Variants in DCLK1 observed in about 807,000 individuals in gnomAD.
DCLK1 encodes the protein serine/threonine-protein kinase DCLK1.
DCLK1 carries 16 observed loss-of-function variants against 86.2 expected under a neutral mutation model. The observed-to-expected ratio is 0.19, with a 90% CI of 0.13 to 0.28. DCLK1 has a LOEUF of 0.28. Ranked by LOEUF, DCLK1 falls within the 10% of genes least tolerant of loss-of-function variation. The probability of loss-of-function intolerance (pLI) is 1.00; values close to 1 mark genes in which losing one functional copy is unlikely to be tolerated. For missense variants in DCLK1, 590 were observed against 940.2 expected (o/e 0.63, Z 4.87); for synonymous variants, 369 against 370.5 (o/e 1.00, Z 0.05).
intron 4 of DCLK1, among the ~76,000 whole-genome samples, chr13:35,925,244 A>G (rs1169861741): frequency 6.6e-6 from 1 of 152,232 alleles, no homozygotes; most frequent in African/African-American, 2.4e-5. Context: ...AATTCTTCCA[A>G]GTCTACCTGC....
chr13:35,807,581 C>G (rs1253142296), intron 14 of DCLK1, among the ~76,000 whole-genome samples: 1 of 152,182 alleles, frequency 6.6e-6, no homozygotes, highest in Non-Finnish European at 1.5e-5. Context: ...ATACTTTAGG[C>G]AGGGATAGTA....
intron 6 of DCLK1, among the ~76,000 whole-genome samples, chr13:35,850,927 A>T (rs1276829178): frequency 2.0e-5 from 3 of 152,210 alleles, no homozygotes. Flanking sequence ...AAAGATAATA[A>T]TAGAGAAACC....
intron 2 of DCLK1, 149 bp from the exon 3 acceptor site, chr13:36,112,364 A>G (rs966626446): frequency 1.0e-5 from 6 of 577,462 alleles, no homozygotes; most frequent in African/African-American, 7.4e-5. Flanking sequence ...ATTAGGGAAA[A>G]AGAAAGATTT....
At chr13:36,111,424 T>G (rs1035929333) in intron 3 of DCLK1, among the ~76,000 whole-genome samples, 2 of 152,192 alleles carry the variant, frequency 1.3e-5, no homozygotes, top group South Asian at 4.1e-4. Context: ...CTATAAAATG[T>G]AAGTAAATCT....
intron 3 of DCLK1, among the ~76,000 whole-genome samples, chr13:35,972,113 G>A (rs747165582): frequency 5.9e-5 from 9 of 151,996 alleles, no homozygotes; most frequent in Admixed American, 3.9e-4. Context: ...AACCATTTCC[G>A]TGGCTCAGCA....
chr13:35,960,032 T>G (rs562755223), intron 3 of DCLK1, among the ~76,000 whole-genome samples: 61 of 152,308 alleles, frequency 4.0e-4, no homozygotes, highest in Middle Eastern at 3.4e-3. Context: ...TTGATCATCA[T>G]GACTATCCCT....
intron 4 of DCLK1, among the ~76,000 whole-genome samples, chr13:35,931,996 G>A (rs969688741): frequency 1.1e-4 from 17 of 152,252 alleles, no homozygotes; most frequent in African/African-American, 3.9e-4. Context: ...AATTTTATGT[G>A]TCAAATTGAA....
intron 4 of DCLK1, among the ~76,000 whole-genome samples, chr13:35,904,279 G>A (rs902620920): frequency 7.2e-5 from 11 of 152,094 alleles, no homozygotes; most frequent in South Asian, 2.1e-4. Context: ...GCAGTGGCTC[G>A]ATCTTGGCCC....
At chr13:35,851,251 T>C (rs1053328233) in intron 6 of DCLK1, among the ~76,000 whole-genome samples, 1 of 152,212 alleles carries the variant, frequency 6.6e-6, no homozygotes, top group Non-Finnish European at 1.5e-5. Context: ...CAAGAAAGCA[T>C]TGCTTTCTCA....
At chr13:35,978,198 CTTTTCTTTTTTTTTT>C (rs1161932034) in intron 3 of DCLK1, among the ~76,000 whole-genome samples, 1 of 112,172 alleles carries the variant, frequency 8.9e-6, no homozygotes, top group African/African-American at 3.4e-5. Flanking sequence ...TTTTTCTTTT[CTTTTCTTTTTTTTTT>C]TTTTTTTTTT....
chr13:35,778,002 C>T (rs9545328), intron 16 of DCLK1, among the ~76,000 whole-genome samples: 31,228 of 152,182 alleles, frequency 0.21, 3,898 homozygotes, highest in East Asian at 0.49. Context: ...CGTTGGACAT[C>T]GTCTCTGTGT....
intron 4 of DCLK1, among the ~76,000 whole-genome samples, chr13:35,899,336 C>T (rs1874197071): frequency 7.6e-6 from 1 of 130,814 alleles, no homozygotes; most frequent in Non-Finnish European, 1.6e-5. Flanking sequence ...ACGAGAAATA[C>T]AAGTGTGTGT....
intron 3 of DCLK1, among the ~76,000 whole-genome samples, chr13:35,956,899 C>T (rs1878017852): frequency 6.6e-6 from 1 of 152,154 alleles, no homozygotes; most frequent in South Asian, 2.1e-4. Flanking sequence ...TAAACCCATA[C>T]AAAATGCTCC....
rs1417695378 is a variant in DCLK1 at position 35,864,294 on chromosome 13, G to A, written c.940+6930C>T. ...AAAAGTTGGCTATCTGGCCGGGCGC[G>A]GTGGCTCACGCCTGTAATCCCAGCA... On this transcript the variant is annotated intron_variant, in intron 5 of 16. Coordinates refer to ENST00000360631, the MANE Select transcript of DCLK1 (RefSeq NM_001330071.2). 8.0e-5 allele frequency among the ~76,000 whole-genome samples: 6 copies of A among 75,128 alleles called. 2 individuals carry two copies. In the East Asian group the frequency reaches 1.4e-3, roughly 18 times the overall value. 49.3% of individuals were successfully genotyped at this position (75,128 alleles called of 152,430 possible). A position where few individuals can be genotyped will look rare whatever the true frequency, so the allele number is the denominator to read the frequency against.
intron 4 of DCLK1, among the ~76,000 whole-genome samples, chr13:35,921,081 C>T (rs1484350183): frequency 6.6e-6 from 1 of 152,156 alleles, no homozygotes; most frequent in Admixed American, 6.5e-5. Flanking sequence ...CCCTCCAATC[C>T]ATTCTCAGCT....
chr13:36,089,827 GT>G (rs1208609027), intron 3 of DCLK1, among the ~76,000 whole-genome samples: 2 of 152,164 alleles, frequency 1.3e-5, no homozygotes, highest in Non-Finnish European at 2.9e-5. Flanking sequence ...CTAATGCGAA[GT>G]GTTGATGGCA....
chr13:35,928,935 C>T (rs1876273867), intron 4 of DCLK1, among the ~76,000 whole-genome samples: 1 of 152,084 alleles, frequency 6.6e-6, no homozygotes, highest in Non-Finnish European at 1.5e-5. Flanking sequence ...CTTTTCTATA[C>T]ACTTTATTTT....
At chr13:35,930,107 C>A (rs1477833194) in intron 4 of DCLK1, among the ~76,000 whole-genome samples, 1 of 152,180 alleles carries the variant, frequency 6.6e-6, no homozygotes, top group Non-Finnish European at 1.5e-5. Flanking sequence ...CTATTTTCCA[C>A]AGGGATTTTC....
At chr13:35,961,227 G>C (rs542150031) in intron 3 of DCLK1, among the ~76,000 whole-genome samples, 2 of 152,252 alleles carry the variant, frequency 1.3e-5, no homozygotes, top group South Asian at 4.1e-4. Flanking sequence ...AATTTGATGA[G>C]ATAATGCATG....
Sources: gnomAD v4.1 joint callset for allele counts (sites outside exome capture counted in the v4.1 genomes callset) on GRCh38, gnomAD v4.1.1 for gene constraint, MANE v1.5 for transcripts, NCBI Gene and HGNC (gene_info 2026-07-23, HGNC 2026-07-21) for gene names.